PTPRN2: variants seen among roughly 807,000 people sequenced by gnomAD.
PTPRN2 encodes protein tyrosine phosphatase receptor type N2, also known as receptor-type tyrosine-protein phosphatase N2.
Under a neutral mutation model 118.8 loss-of-function variants are expected in PTPRN2, and 74 were observed. The observed-to-expected ratio is 0.62, with a 90% CI of 0.52 to 0.76. PTPRN2 has a LOEUF of 0.76. PTPRN2 is among the 30% of genes least tolerant of loss of function. The pLI is 0.00. For synonymous variants in PTPRN2, 641 were observed against 608.0 expected, an observed-to-expected ratio of 1.05 and a Z score of -0.80; for missense variants, 1,481 against 1,394.4, an observed-to-expected ratio of 1.06 and a Z score of -0.99.
At chr7:158,513,025 C>T (rs1823285509) in intron 1 of PTPRN2, among the ~76,000 whole-genome samples, 1 of 152,278 alleles carries the variant, frequency 6.6e-6, no homozygotes, top group African/African-American at 2.4e-5. Flanking sequence ...CAGAGCATGA[C>T]GCGTCACTCA....
At chr7:157,586,648 C>G (rs1216799247) in intron 17 of PTPRN2, among the ~76,000 whole-genome samples, 1 of 149,426 alleles carries the variant, frequency 6.7e-6, no homozygotes, top group African/African-American at 2.5e-5. Context: ...CTGGACGCCA[C>G]GTCTGTCCTG....
chr7:158,149,238 C>T (rs909057994), intron 6 of PTPRN2, among the ~76,000 whole-genome samples: 3 of 152,106 alleles, frequency 2.0e-5, no homozygotes, highest in Non-Finnish European at 2.9e-5. Context: ...AAGCTGGCAC[C>T]AATTATAGTA....
intron 17 of PTPRN2, among the ~76,000 whole-genome samples, chr7:157,579,006 G>A (rs1018450759): frequency 2.6e-5 from 4 of 151,740 alleles, no homozygotes; most frequent in Non-Finnish European, 4.4e-5. Context: ...TGTAAATTTG[G>A]TATCCAAGAC....
chr7:158,172,779 C>A (rs1247476564), intron 5 of PTPRN2, among the ~76,000 whole-genome samples: 2 of 148,494 alleles, frequency 1.3e-5, no homozygotes, highest in East Asian at 4.1e-4. Context: ...TTCACAGCAG[C>A]ATCCCACCAT....
At chr7:158,518,916 T>C (rs1297875162) in intron 1 of PTPRN2, among the ~76,000 whole-genome samples, 2 of 151,758 alleles carry the variant, frequency 1.3e-5, no homozygotes, top group Non-Finnish European at 2.9e-5. Flanking sequence ...ATCTGGGAGG[T>C]GGAGGTTGCA....
chr7:158,128,971 C>A (rs1369027368), intron 9 of PTPRN2, among the ~76,000 whole-genome samples: 1 of 151,708 alleles, frequency 6.6e-6, no homozygotes, highest in African/African-American at 2.4e-5. Flanking sequence ...ACACAACATA[C>A]CCCACACCAC....
intron 1 of PTPRN2, among the ~76,000 whole-genome samples, chr7:158,558,116 C>T (rs1227576692): frequency 6.6e-6 from 1 of 152,102 alleles, no homozygotes; most frequent in Non-Finnish European, 1.5e-5. Flanking sequence ...TCCCAAGGAG[C>T]TGAGACCACA....
chr7:158,310,542 G>A (rs909095050), intron 3 of PTPRN2, among the ~76,000 whole-genome samples: 13 of 152,248 alleles, frequency 8.5e-5, no homozygotes, highest in African/African-American at 3.1e-4. Flanking sequence ...AGTGGCAGAG[G>A]GCCTCACAAA....
intron 6 of PTPRN2, among the ~76,000 whole-genome samples, chr7:158,155,478 C>CCATCAT (rs1418696360): frequency 8.1e-6 from 1 of 123,410 alleles, no homozygotes; most frequent in Non-Finnish European, 1.7e-5. Context: ...ATCACCATCA[C>CCATCAT]CATCATCATC....
At chr7:157,965,892 A>G (rs528879837) in intron 11 of PTPRN2, among the ~76,000 whole-genome samples, 1 of 152,208 alleles carries the variant, frequency 6.6e-6, no homozygotes, top group Non-Finnish European at 1.5e-5. Context: ...TAAGTGTGGG[A>G]AATCCAGGAA....
At chr7:158,454,154 T>C (rs879586016) in intron 2 of PTPRN2, among the ~76,000 whole-genome samples, 45 of 141,692 alleles carry the variant, frequency 3.2e-4, no homozygotes, top group African/African-American at 1.1e-3. Flanking sequence ...GGATTGGGGA[T>C]GGTTGCTATG....
At chr7:158,270,821 CCTCCACCT>C (rs1798336102) in intron 3 of PTPRN2, among the ~76,000 whole-genome samples, 2 of 17,412 alleles carry the variant, frequency 1.1e-4, no homozygotes, top group Non-Finnish European at 2.4e-4. Flanking sequence ...TGGACCGCCC[CCTCCACCT>C]GGATGACCCC....
At chr7:157,859,666 A>C (rs112874343) in intron 12 of PTPRN2, among the ~76,000 whole-genome samples, 1 of 31,078 alleles carries the variant, frequency 3.2e-5, no homozygotes, top group Non-Finnish European at 5.5e-5. Flanking sequence ...ACACTCCTGC[A>C]GGGAGAGCCT....
intron 12 of PTPRN2, among the ~76,000 whole-genome samples, chr7:157,741,782 G>T (rs1800647822): frequency 6.6e-6 from 1 of 152,156 alleles, no homozygotes. Context: ...GGCATCTCCT[G>T]GGCTTCTGTC....
Position 157,606,827 on chromosome 7 carries a change from G to A in PTPRN2, c.2345-2752C>T, listed in dbSNP as rs142619896. Among the ~76,000 whole-genome samples, 163 of 152,324 alleles carry A rather than the reference G, an allele frequency of 1.1e-3. 1 individual carries two copies. The highest frequency in any genetic ancestry group is 3.8e-3 in the African/African-American group (158 of 41,576). The stretch of plus-strand genomic sequence containing the variant: ...TCCTAGGGCTTGGAAAACTTAGTGA[G>A]TGTTTTAACTGATTGAACTAGGAAA... On this transcript the variant is annotated intron_variant, in intron 15 of 22. Transcript: ENST00000389418.
At chr7:157,640,247 A>G (rs1804592644) in intron 14 of PTPRN2, among the ~76,000 whole-genome samples, 1 of 152,238 alleles carries the variant, frequency 6.6e-6, no homozygotes, top group South Asian at 2.1e-4. Context: ...GAAAAAGAAC[A>G]AAATAGAACT....
chr7:158,220,038 A>G (rs2150789224), intron 3 of PTPRN2, among the ~76,000 whole-genome samples: 1 of 152,268 alleles, frequency 6.6e-6, no homozygotes, highest in South Asian at 2.1e-4. Context: ...GACACTAAAC[A>G]GAATTGAAAA....
intron 11 of PTPRN2, among the ~76,000 whole-genome samples, chr7:158,026,444 C>G (rs957011406): frequency 1.3e-5 from 2 of 152,204 alleles, no homozygotes; most frequent in Non-Finnish European, 2.9e-5. Flanking sequence ...GCCAGCCGGA[C>G]AGCATGGCGT....
At chr7:158,523,399 CAT>C (rs1563392278) in intron 1 of PTPRN2, among the ~76,000 whole-genome samples, 2 of 131,258 alleles carry the variant, frequency 1.5e-5, no homozygotes, top group African/African-American at 3.0e-5. Context: ...GGAGCGGAGT[CAT>C]CTGCCCTGGA....
Sources: allele counts gnomAD v4.1 joint callset (sites outside exome capture counted in the v4.1 genomes callset), GRCh38; gene constraint gnomAD v4.1.1; transcripts MANE v1.5; gene names NCBI Gene and HGNC (gene_info 2026-07-23, HGNC 2026-07-21).